The following DOP1A variants were observed in gnomAD, a reference collection of about 807,000 sequenced individuals.
The protein encoded by DOP1A is DOP1 leucine zipper like protein A.
DOP1A carries 90 observed loss-of-function variants against 267.6 expected under a neutral mutation model. That is an observed-to-expected ratio of 0.34 (90% CI 0.28 to 0.40). The LOEUF (loss-of-function observed/expected upper bound fraction) is 0.40. Ranked by LOEUF, DOP1A falls within the 10% of genes least tolerant of loss-of-function variation. DOP1A has a pLI of 1.00. For synonymous variants in DOP1A, 932 were observed against 999.1 expected (o/e 0.93, Z 1.27); for missense variants, 2,437 against 2,900.4 (o/e 0.84, Z 3.67).
intron 24 of DOP1A, among the ~76,000 whole-genome samples, chr6:83,143,099 A>G (rs1248730532): frequency 6.6e-6 from 1 of 152,176 alleles, no homozygotes; most frequent in Non-Finnish European, 1.5e-5. Flanking sequence ...ACTACTTAAA[A>G]GCAGTAAAGA....
rs754998553 is a variant in DOP1A, at chr6:83,135,904, C to G, written c.3130+26C>G. 3.7e-6 allele frequency: 6 copies of G among 1,603,918 alleles called. No individual in the cohort carries two copies. In the East Asian group the frequency reaches 1.3e-4, roughly 36 times the overall value. On this transcript the variant is annotated intron_variant, in intron 20 of 38. Transcript: ENST00000349129. ...GTGAATAACACATAGAAGTAGACAG[C>G]TTTATTTAGAATTATTAAAATAAAG...
chr6:83,088,516 A>G (rs1183353157), intron 1 of DOP1A, among the ~76,000 whole-genome samples: 1 of 145,408 alleles, frequency 6.9e-6, no homozygotes, highest in African/African-American at 2.6e-5. Context: ...TCCAACTCTG[A>G]GGTTCAAGCG....
downstream of DOP1A, chr6:83,171,217 T>G (rs1368600946): frequency 2.6e-5 from 4 of 152,096 alleles, no homozygotes; most frequent in Non-Finnish European, 5.9e-5. Flanking sequence ...GTATGAAGAA[T>G]GTATAGGGCA....
chr6:83,088,478 A>G (rs1270730205), intron 1 of DOP1A, among the ~76,000 whole-genome samples: 1 of 134,902 alleles, frequency 7.4e-6, no homozygotes. Flanking sequence ...GCTGGAGTGC[A>G]GTGGCGCGAT....
intron 4 of DOP1A, among the ~76,000 whole-genome samples, chr6:83,105,704 G>A (rs978601435): frequency 6.6e-6 from 1 of 152,032 alleles, no homozygotes; most frequent in African/African-American, 2.4e-5. Context: ...GCCAGTAAAG[G>A]TATTTTTGAT....
chr6:83,106,959 G>A (rs1224723205), intron 4 of DOP1A, among the ~76,000 whole-genome samples: 1 of 152,172 alleles, frequency 6.6e-6, no homozygotes, highest in African/African-American at 2.4e-5. Context: ...ATAGAGCATT[G>A]GATCTGGCAA....
rs1778161696 is a variant in DOP1A, at chr6:83,132,215, A to G, written c.2656A>G (p.Thr886Ala). The G allele has an allele frequency of 6.2e-7, 1 of 1,612,616 alleles. No homozygotes were observed. The highest frequency in any genetic ancestry group is 1.3e-5 in the African/African-American group (1 of 74,986). Residue 886 changes from threonine (T) to alanine (A), a missense_variant, in exon 18 of 39, where the codon ACA becomes GCA. By Grantham distance (58) the Thr-to-Ala change is moderately conservative (BLOSUM62 0). Around this residue, in one of 9 missense-constraint regions of DOP1A, gnomAD observed 878 missense variants for 992.9 expected, o/e 0.88. Transcript: ENST00000349129. ...ATTGTGGGACCAGTTGGGAGATGGG[A>G]CACCTCAGCATCACCAGAAGAGTGT... ...LTLWDQLGDGTPQHHQKSVEL... is the reference protein window; with the variant it reads ...LTLWDQLGDGAPQHHQKSVEL...
chr6:83,171,124 G>A (rs1445535775), downstream of DOP1A: 2 of 152,212 alleles, frequency 1.3e-5, no homozygotes, highest in African/African-American at 4.8e-5. Context: ...AGGATCACCT[G>A]AGCTCAGGAG....
Position 83,074,409 on chromosome 6 carries a change from A to G in DOP1A, c.-147+6630A>G, listed in dbSNP as rs536890038. ...ATTCATTCACCCTTTATTACCATAA[A>G]TGGGGCATAATTCACATGATTTTAA... On this transcript the variant is annotated intron_variant, in intron 1 of 38. Coordinates refer to ENST00000349129, the MANE Select transcript of DOP1A (RefSeq NM_015018.4). Among the ~76,000 whole-genome samples the G allele has an allele frequency of 3.9e-5, 6 of 152,284 alleles. No homozygotes were observed. The South Asian group carries it at 1.2e-3, about 32-fold the overall frequency.
chr6:83,121,628 G>A (rs1003426685), intron 10 of DOP1A, among the ~76,000 whole-genome samples: 21 of 151,672 alleles, frequency 1.4e-4, no homozygotes, highest in Non-Finnish European at 1.5e-4. Context: ...CATTCTGGAT[G>A]AGGAAACTAA....
At chr6:83,166,436 ATGT>A in intron 38 of DOP1A, 6 of 701,898 alleles carry the variant, frequency 8.5e-6, no homozygotes, top group Non-Finnish European at 1.6e-5. Flanking sequence ...TGCATTGTTG[ATGT>A]TGTGTGTTGT....
Position 83,151,675 on chromosome 6 carries a change from A to G in DOP1A, c.5904+16A>G, listed in dbSNP as rs7742096. On this transcript the variant is annotated intron_variant, in intron 28 of 38. Transcript: ENST00000349129. ...AGACCTTCAGGTAAGGCAGTCTAAG[A>G]GCTGTTGCCAAAACTGTTTCTCAGT... The G allele has an allele frequency of 2.1e-4, 340 of 1,589,172 alleles. No homozygotes were observed. The African/African-American group carries it at 4.2e-3, about 20-fold the overall frequency.
rs780513607 is a variant in DOP1A, at chr6:83,138,728, C to T, written c.4686C>T (p.Asp1562=). Residue 1562 remains aspartate, a synonymous_variant, in exon 21 of 39, where the codon GAC becomes GAT. Transcript: ENST00000349129. The part of the protein sequence containing the change: ...LVAVEEGFSE[D]SLINFSEDEF... Reference sequence around the variant, plus strand: ...CTGTGGAAGAAGGTTTCTCAGAGGACAGCCTTATTAATTTCTCAGAGGATG... The same window carrying T: ...CTGTGGAAGAAGGTTTCTCAGAGGATAGCCTTATTAATTTCTCAGAGGATG... 2.5e-6 allele frequency: 4 copies of T among 1,614,022 alleles called. No individual in the cohort carries two copies. In the South Asian group the frequency reaches 3.3e-5, roughly 13 times the overall value.
rs1055671089 is a variant in DOP1A at position 83,166,361 on chromosome 6, T to G, written c.7093-1501T>G. 5.7e-6 allele frequency: 4 copies of G among 698,238 alleles called. No individual in the cohort carries two copies. In the African/African-American group the frequency reaches 7.0e-5, roughly 12 times the overall value. 43.3% of individuals were successfully genotyped at this position (698,238 alleles called of 1,614,324 possible). On this transcript the variant is annotated intron_variant, in intron 38 of 38. Transcript: ENST00000349129. The stretch of plus-strand genomic sequence containing the variant: ...GCACTCCTCATCTTCAAGGCTCTAG[T>G]CTCCTTTGCAAAACTTCTTGAGCCA...
intron 36 of DOP1A, 183 bp from the exon 37 acceptor site, chr6:83,159,613 A>C (rs1014076834): frequency 6.5e-5 from 46 of 702,706 alleles, no homozygotes; most frequent in Non-Finnish European, 1.1e-4. Context: ...TTGCATTCTC[A>C]AAGAAGAAAA....
chr6:83,147,252 A>G lies in DOP1A; in HGVS notation c.5693A>G (p.Glu1898Gly). 1.3e-6 allele frequency: 2 copies of G among 1,487,936 alleles called. No individual in the cohort carries two copies. Among genetic ancestry groups the G allele is most frequent in the Non-Finnish European group, 1.8e-6 (2 of 1,087,022 alleles). The allele number at this position is 1,487,936 out of a possible 1,614,324, so 92.2% of individuals were successfully genotyped here. ...TATTTATAGAAACATCTTTCTTTGG[A>G]AGTCTGCATGCTTCAGTTTTTCTAT... ...IAKDKKHLSL[E>G]VCMLQFFYAY... Residue 1898 changes from glutamate (E) to glycine (G), a missense_variant, in exon 26 of 39, where the codon GAA (glutamate) becomes GGA (glycine). Transcript: ENST00000349129.
At chr6:83,161,593 G>T (rs1308351702) in intron 37 of DOP1A, among the ~76,000 whole-genome samples, 1 of 152,094 alleles carries the variant, frequency 6.6e-6, no homozygotes, top group Non-Finnish European at 1.5e-5. Flanking sequence ...TTATAGGATG[G>T]TTTCTAAACA....
rs1481956298 is a variant in DOP1A at position 83,131,544 on chromosome 6, C to A, written c.2617-632C>A. Among the ~76,000 whole-genome samples, 13 of 152,122 alleles carry A rather than the reference C, an allele frequency of 8.5e-5. No homozygotes were observed. In the East Asian group the frequency reaches 1.7e-3, roughly 20 times the overall value. On this transcript the variant is annotated intron_variant, in intron 17 of 38. Coordinates refer to ENST00000349129, the MANE Select transcript of DOP1A (RefSeq NM_015018.4). ...ACAACCATAAATATTAAATTGCATTCAATGTGGGATTTGTATCTTATTAAG... is the reference window on the plus strand; with the variant it reads ...ACAACCATAAATATTAAATTGCATTAAATGTGGGATTTGTATCTTATTAAG...
intron 1 of DOP1A, among the ~76,000 whole-genome samples, chr6:83,093,632 G>C (rs1770884650): frequency 2.6e-5 from 4 of 152,202 alleles, no homozygotes; most frequent in Admixed American, 2.6e-4. Context: ...TATGGGCTGG[G>C]CACAGTGGCT....
Sources: allele counts gnomAD v4.1 joint callset (sites outside exome capture counted in the v4.1 genomes callset), GRCh38; gene constraint gnomAD v4.1.1; regional missense constraint gnomAD v4.1.1; transcripts MANE v1.5; gene names NCBI Gene and HGNC (gene_info 2026-07-23, HGNC 2026-07-21).